Variants in DGKB observed in about 807,000 individuals in gnomAD.
The protein encoded by DGKB is diacylglycerol kinase beta, also known as 90 kDa diacylglycerol kinase.
In DGKB, 67 loss-of-function variants were observed where a neutral mutation model predicts 114.3. The observed-to-expected ratio is 0.59, with a 90% CI of 0.48 to 0.72. DGKB has a LOEUF of 0.72. Among genes scored for constraint, DGKB ranks in the 30% least tolerant of loss-of-function variants. The probability of loss-of-function intolerance (pLI) is 0.00; values close to 1 mark genes in which losing one functional copy is unlikely to be tolerated. For synonymous variants in DGKB, 398 were observed against 323.1 expected, an observed-to-expected ratio of 1.23 and a Z score of -2.49; for missense variants, 907 against 975.2, an observed-to-expected ratio of 0.93 and a Z score of 0.93.
At chr7:14,953,891 TG>T (rs1307761464) in intron 1 of DGKB, among the ~76,000 whole-genome samples, 1 of 152,072 alleles carries the variant, frequency 6.6e-6, no homozygotes, top group Middle Eastern at 3.2e-3. Flanking sequence ...TCTTAATGTA[TG>T]GGCCCCCAGA....
intron 19 of DGKB, among the ~76,000 whole-genome samples, chr7:14,579,645 A>G (rs901686928): frequency 6.6e-6 from 1 of 152,152 alleles, no homozygotes; most frequent in Admixed American, 6.6e-5. Flanking sequence ...CCTGAAGTAT[A>G]TTCTTACTGA....
At chr7:14,823,243 C>T (rs897129484) in intron 2 of DGKB, among the ~76,000 whole-genome samples, 1 of 151,688 alleles carries the variant, frequency 6.6e-6, no homozygotes, top group African/African-American at 2.4e-5. Flanking sequence ...TGTAGATAAG[C>T]TACAATATAT....
intron 23 of DGKB, among the ~76,000 whole-genome samples, chr7:14,334,185 T>C (rs932100372): frequency 2.0e-5 from 3 of 152,178 alleles, no homozygotes; most frequent in African/African-American, 7.2e-5. Flanking sequence ...CTGAATTTGC[T>C]GGCCTTTTAA....
intron 22 of DGKB, among the ~76,000 whole-genome samples, chr7:14,342,263 T>C (rs1339527115): frequency 1.3e-5 from 2 of 151,880 alleles, no homozygotes; most frequent in Non-Finnish European, 2.9e-5. Flanking sequence ...TCTTTCCCAG[T>C]ATCCCTGTCA....
At chr7:14,170,159 AAG>A (rs1258783690) in intron 25 of DGKB, among the ~76,000 whole-genome samples, 1 of 88,202 alleles carries the variant, frequency 1.1e-5, no homozygotes, top group African/African-American at 6.4e-5. Context: ...GAAAGAAAGA[AAG>A]AAAGAAAGAA....
At chr7:14,799,763 A>G (rs1395521582) in intron 2 of DGKB, among the ~76,000 whole-genome samples, 3 of 152,198 alleles carry the variant, frequency 2.0e-5, no homozygotes, top group African/African-American at 7.2e-5. Context: ...GCTTTGCAGC[A>G]AGTACAGGCT....
intron 3 of DGKB, among the ~76,000 whole-genome samples, chr7:14,756,683 T>C (rs1229192143): frequency 1.3e-5 from 2 of 151,722 alleles, no homozygotes; most frequent in African/African-American, 2.4e-5. Context: ...AATTAAGTTC[T>C]AGAAATCCCA....
intron 20 of DGKB, among the ~76,000 whole-genome samples, chr7:14,544,746 G>C (rs1794016378): frequency 6.6e-6 from 1 of 152,138 alleles, no homozygotes; most frequent in Admixed American, 6.5e-5. Flanking sequence ...AACTTGACAT[G>C]TTGTTTTTTG....
At chr7:14,690,801 A>T (rs1012600834) in intron 9 of DGKB, among the ~76,000 whole-genome samples, 3 of 152,244 alleles carry the variant, frequency 2.0e-5, no homozygotes, top group Non-Finnish European at 2.9e-5. Flanking sequence ...TTTTAATTAC[A>T]TTGGATTTTT....
intron 14 of DGKB, among the ~76,000 whole-genome samples, chr7:14,627,966 CA>C (rs966499000): frequency 6.7e-6 from 1 of 149,352 alleles, no homozygotes; most frequent in Non-Finnish European, 1.5e-5. Context: ...AAAAAAACAA[CA>C]AAAAAAACCA....
At chr7:14,845,007 T>G (rs541591761) in intron 1 of DGKB, among the ~76,000 whole-genome samples, 1 of 148,896 alleles carries the variant, frequency 6.7e-6, no homozygotes, top group Non-Finnish European at 1.5e-5. Context: ...CTCAGGAGGC[T>G]GAGGTGGGAG....
At chr7:14,683,873 C>T (rs1441862377) in intron 10 of DGKB, among the ~76,000 whole-genome samples, 1 of 151,950 alleles carries the variant, frequency 6.6e-6, no homozygotes, top group Admixed American at 6.6e-5. Flanking sequence ...ATATTGCATT[C>T]ACCACACTAA....
At chr7:14,236,617 A>C (rs1792822462) in intron 23 of DGKB, among the ~76,000 whole-genome samples, 1 of 152,000 alleles carries the variant, frequency 6.6e-6, no homozygotes, top group South Asian at 2.1e-4. Context: ...TGAAGGAAAC[A>C]AAGAAAAGTT....
chr7:14,263,085 A>G (rs112702983), intron 23 of DGKB, among the ~76,000 whole-genome samples: 17 of 152,236 alleles, frequency 1.1e-4, no homozygotes, highest in Admixed American at 3.3e-4. Flanking sequence ...ATTGGAATAA[A>G]CATGTTTTAA....
chr7:14,232,987 G>C (rs906770802), intron 23 of DGKB, among the ~76,000 whole-genome samples: 2 of 152,014 alleles, frequency 1.3e-5, no homozygotes, highest in African/African-American at 4.8e-5. Flanking sequence ...GAATCTGCTG[G>C]TCACTCTGAA....
intron 12 of DGKB, among the ~76,000 whole-genome samples, chr7:14,676,898 T>G (rs770595260): frequency 9.2e-5 from 14 of 152,204 alleles, no homozygotes; most frequent in African/African-American, 3.4e-4. Context: ...TCAGTTATCT[T>G]TGTATTTTTT....
intron 14 of DGKB, among the ~76,000 whole-genome samples, chr7:14,622,906 G>A (rs1807915504): frequency 6.6e-6 from 1 of 152,158 alleles, no homozygotes; most frequent in African/African-American, 2.4e-5. Context: ...ACTTCAGGAT[G>A]TGGTCAAATG....
intron 21 of DGKB, among the ~76,000 whole-genome samples, chr7:14,450,793 ATAG>A (rs1831377463): frequency 6.6e-6 from 1 of 152,038 alleles, no homozygotes; most frequent in Non-Finnish European, 1.5e-5. Flanking sequence ...GCCAAGTCAC[ATAG>A]ACCTTATTAG....
At chr7:14,714,185 G>C (rs1406144458) in intron 6 of DGKB, among the ~76,000 whole-genome samples, 1 of 151,752 alleles carries the variant, frequency 6.6e-6, no homozygotes, top group Non-Finnish European at 1.5e-5. Context: ...CATGATGCAG[G>C]GTAAGCCTCA....
Sources: gnomAD v4.1 joint callset for allele counts (sites outside exome capture counted in the v4.1 genomes callset) on GRCh38, gnomAD v4.1.1 for gene constraint, MANE v1.5 for transcripts, NCBI Gene and HGNC (gene_info 2026-07-23, HGNC 2026-07-21) for gene names.